ABCC4: variants seen among roughly 807,000 people sequenced by gnomAD.
The protein encoded by ABCC4 is ATP-binding cassette sub-family C member 4.
Under a neutral mutation model 168.5 loss-of-function variants are expected in ABCC4, and 102 were observed. The observed-to-expected ratio is 0.61, with a 90% CI of 0.52 to 0.71. The LOEUF (loss-of-function observed/expected upper bound fraction) is 0.71, where lower values mean the gene tolerates loss of function less well. ABCC4 is among the 30% of genes least tolerant of loss of function. The pLI is 0.00. For synonymous variants in ABCC4, 617 were observed against 590.7 expected (o/e 1.04, Z -0.65); for missense variants, 1,402 against 1,605.8 (o/e 0.87, Z 2.17).
chr13:95,044,645 A>G (rs1195298323), intron 27 of ABCC4, among the ~76,000 whole-genome samples: 1 of 152,230 alleles, frequency 6.6e-6, no homozygotes, highest in Non-Finnish European at 1.5e-5. Flanking sequence ...ACTTAAGAGA[A>G]CAAACAATGG....
At chr13:95,045,790 A>T (rs2032550937) in intron 27 of ABCC4, among the ~76,000 whole-genome samples, 1 of 152,174 alleles carries the variant, frequency 6.6e-6, no homozygotes, top group Non-Finnish European at 1.5e-5. Flanking sequence ...GATGGCCAAT[A>T]AGCAGGTGTA....
chr13:95,209,077 A>C (rs1471282797), intron 6 of ABCC4, among the ~76,000 whole-genome samples: 1 of 152,256 alleles, frequency 6.6e-6, no homozygotes, highest in Non-Finnish European at 1.5e-5. Flanking sequence ...TAACACAAGC[A>C]CGGTAAAGAT....
intron 30 of ABCC4, among the ~76,000 whole-genome samples, chr13:95,029,988 T>TATCTATCTATCC (rs1555302414): frequency 8.2e-5 from 12 of 146,326 alleles, no homozygotes; most frequent in Admixed American, 2.1e-4. Context: ...CTTGTCTATC[T>TATCTATCTATCC]ATCCATCCAT....
intron 19 of ABCC4, among the ~76,000 whole-genome samples, chr13:95,151,685 C>T (rs1033186485): frequency 2.0e-5 from 3 of 151,998 alleles, no homozygotes; most frequent in Non-Finnish European, 2.9e-5. Flanking sequence ...CCACTGTCGG[C>T]AACTATTTAA....
intron 26 of ABCC4, among the ~76,000 whole-genome samples, chr13:95,058,207 C>A (rs576029070): frequency 6.6e-6 from 1 of 152,042 alleles, no homozygotes; most frequent in Non-Finnish European, 1.5e-5. Flanking sequence ...CCTAACTGTC[C>A]AAATGACAGA....
intron 1 of ABCC4, among the ~76,000 whole-genome samples, chr13:95,249,571 A>T (rs9590213): frequency 0.026 from 3,922 of 152,192 alleles, 185 homozygotes; most frequent in African/African-American, 0.09. Context: ...GGCAAGAAGA[A>T]CTCATCAACT....
At chr13:95,299,446 A>G (rs748945734) in intron 1 of ABCC4, among the ~76,000 whole-genome samples, 1 of 152,166 alleles carries the variant, frequency 6.6e-6, no homozygotes, top group South Asian at 2.1e-4. Flanking sequence ...GTGTACCACA[A>G]TCGAAACAAG....
chr13:95,290,103 AATAGATAGATAGATAG>A lies in ABCC4; in HGVS notation c.74+11122_74+11137del, dbSNP rs72443922. Among the ~76,000 whole-genome samples the A allele has an allele frequency of 2.9e-4, 33 of 113,810 alleles. 1 individual carries two copies. The highest frequency in any genetic ancestry group is 8.2e-4 in the African/African-American group (30 of 36,578). The allele number at this position is 113,810 out of a possible 152,430, so 74.7% of individuals were successfully genotyped here. On this transcript the variant is annotated intron_variant, in intron 1 of 30. Coordinates refer to ENST00000645237, the MANE Select transcript of ABCC4 (RefSeq NM_005845.5). ...AAGAGCAAAACTCTGTCTCAAAAAA[AATAGATAGATAGATAG>A]ATAGATAGATAGATAGATAGATAGA...
At chr13:95,106,039 G>A (rs910905022) in intron 20 of ABCC4, among the ~76,000 whole-genome samples, 2 of 152,152 alleles carry the variant, frequency 1.3e-5, no homozygotes, top group African/African-American at 2.4e-5. Context: ...AGAGATGCAT[G>A]TGCACACATC....
intron 20 of ABCC4, among the ~76,000 whole-genome samples, chr13:95,103,259 C>T (rs1262103517): frequency 3.3e-5 from 5 of 151,958 alleles, no homozygotes; most frequent in East Asian, 2.0e-4. Flanking sequence ...AGCGAGACTC[C>T]GTCTCAAAAA....
Position 95,207,870 on chromosome 13 carries a change from T to C in ABCC4, c.841A>G (p.Thr281Ala). Residue 281 changes from threonine (T) to alanine (A), a missense_variant, in exon 7 of 31, where the codon ACT becomes GCT. Thr to Ala is a moderately conservative substitution (Grantham distance 58). Around this residue, in one of 3 missense-constraint regions of ABCC4, gnomAD observed 317 missense variants for 345.5 expected, o/e 0.92. Transcript: ENST00000645237. ...TACATTTTTATTATCCTTATACCAGTTATAACTTCATTCATGGTCCTGATC... is the reference window on the plus strand; with the variant it reads ...TACATTTTTATTATCCTTATACCAGCTATAACTTCATTCATGGTCCTGATC... ...ARIRTMNEVITGIRIIKMYAW... is the reference protein window; with the variant it reads ...ARIRTMNEVIAGIRIIKMYAW... 6.2e-7 allele frequency: 1 copy of C among 1,613,690 alleles called. No individual in the cohort carries two copies. The highest frequency in any genetic ancestry group is 1.1e-5 in the South Asian group (1 of 90,954).
intron 4 of ABCC4, among the ~76,000 whole-genome samples, chr13:95,225,968 T>TAA (rs11414379): frequency 0.046 from 5,454 of 117,658 alleles, 450 homozygotes; most frequent in African/African-American, 0.15. Context: ...CATCTCCACT[T>TAA]AAAAAAAAAA....
At chr13:95,203,093 G>A (rs2038678548) in intron 8 of ABCC4, among the ~76,000 whole-genome samples, 1 of 152,138 alleles carries the variant, frequency 6.6e-6, no homozygotes, top group Non-Finnish European at 1.5e-5. Context: ...TGATAGGGGA[G>A]TTACACAAGT....
chr13:95,276,352 C>G (rs1232720514), intron 1 of ABCC4, among the ~76,000 whole-genome samples: 1 of 147,756 alleles, frequency 6.8e-6, no homozygotes, highest in Non-Finnish European at 1.5e-5. Context: ...GAAGTCAAGG[C>G]TGCAGTGAGC....
At chr13:95,094,862 T>A (rs1362087921) in intron 20 of ABCC4, among the ~76,000 whole-genome samples, 1 of 151,792 alleles carries the variant, frequency 6.6e-6, no homozygotes. Context: ...ACTTAGGACA[T>A]GAAGAGAAAA....
Position 95,188,622 on chromosome 13 carries a change from A to C in ABCC4, c.1264-80T>G, listed in dbSNP as rs936461352. The C allele has an allele frequency of 1.2e-5, 14 of 1,136,154 alleles. No individual in the cohort carries two copies. The African/African-American group carries it at 2.0e-4, about 16-fold the overall frequency. 70.4% of individuals were successfully genotyped at this position (1,136,154 alleles called of 1,614,324 possible). A position where few individuals can be genotyped will look rare whatever the true frequency, so the allele number is the denominator to read the frequency against. ...TTCAAAAAGAGAAGAAAACAATACA[A>C]CAGTCATTGATACATGAACATAACC... On this transcript the variant is annotated intron_variant, in intron 9 of 30. Coordinates refer to ENST00000645237, the MANE Select transcript of ABCC4 (RefSeq NM_005845.5).
chr13:95,290,146 A>AGATAGATG (rs974602496), intron 1 of ABCC4, among the ~76,000 whole-genome samples: 2 of 149,950 alleles, frequency 1.3e-5, no homozygotes, highest in Admixed American at 6.7e-5. Context: ...ATAGATAGAT[A>AGATAGATG]GATGATAGAT....
intron 20 of ABCC4, among the ~76,000 whole-genome samples, chr13:95,110,125 A>G (rs2035152122): frequency 1.3e-5 from 2 of 152,122 alleles, no homozygotes; most frequent in Admixed American, 6.5e-5. Context: ...TCTGGCCAAC[A>G]TCGTGAAACC....
intron 1 of ABCC4, among the ~76,000 whole-genome samples, chr13:95,292,210 T>G (rs1435427357): frequency 2.6e-5 from 4 of 151,834 alleles, no homozygotes; most frequent in African/African-American, 9.7e-5. Flanking sequence ...ATATAAAAAA[T>G]TAGCTGGGCA....
Sources: gnomAD v4.1 joint callset for allele counts (sites outside exome capture counted in the v4.1 genomes callset) on GRCh38, gnomAD v4.1.1 for gene constraint, gnomAD v4.1.1 regional missense constraint, MANE v1.5 for transcripts, NCBI Gene and HGNC (gene_info 2026-07-23, HGNC 2026-07-21) for gene names.